The following DYM variants were observed in gnomAD, a reference collection of about 807,000 sequenced individuals.
The protein encoded by DYM is dyggve-Melchior-Clausen syndrome protein.
DYM carries 78 observed loss-of-function variants against 93.1 expected under a neutral mutation model. The ratio of observed to expected loss-of-function variants is 0.84; its 90% CI spans 0.70 to 1.01. The LOEUF (loss-of-function observed/expected upper bound fraction) is 1.01, where lower values mean the gene tolerates loss of function less well. DYM is among the 50% of genes least tolerant of loss of function. DYM has a pLI of 0.00. For synonymous variants in DYM, 321 were observed against 319.7 expected, an observed-to-expected ratio of 1.00 and a Z score of -0.04; for missense variants, 789 against 845.0, an observed-to-expected ratio of 0.93 and a Z score of 0.82.
At chr18:49,441,958 G>A (rs1049237730) in intron 1 of DYM, among the ~76,000 whole-genome samples, 2 of 152,088 alleles carry the variant, frequency 1.3e-5, no homozygotes, top group Non-Finnish European at 2.9e-5. Flanking sequence ...AGAGAATGAA[G>A]ATAAAGTCAA....
At chr18:49,224,786 A>G (rs1244414518) in intron 13 of DYM, among the ~76,000 whole-genome samples, 1 of 152,094 alleles carries the variant, frequency 6.6e-6, no homozygotes, top group Admixed American at 6.6e-5. Flanking sequence ...TACCCAGTAT[A>G]TGCTATTTTG....
chr18:49,301,834 C>A (rs577610150), intron 8 of DYM, among the ~76,000 whole-genome samples: 76 of 152,194 alleles, frequency 5.0e-4, no homozygotes, highest in Non-Finnish European at 9.7e-4. Context: ...CTTGGTCTAT[C>A]TGTCAGGAAG....
At chr18:49,235,727 A>T (rs1363816650) in intron 13 of DYM, among the ~76,000 whole-genome samples, 1 of 151,906 alleles carries the variant, frequency 6.6e-6, no homozygotes, top group African/African-American at 2.4e-5. Flanking sequence ...ATGATATGGT[A>T]GGAAATAAAA....
intron 14 of DYM, among the ~76,000 whole-genome samples, chr18:49,205,160 C>T (rs1480597252): frequency 6.6e-6 from 1 of 152,126 alleles, no homozygotes; most frequent in Non-Finnish European, 1.5e-5. Context: ...CAGGGTTTCA[C>T]CATGTTGGCC....
At chr18:49,143,467 A>G (rs1293868436) in intron 15 of DYM, among the ~76,000 whole-genome samples, 1 of 152,138 alleles carries the variant, frequency 6.6e-6, no homozygotes, top group Non-Finnish European at 1.5e-5. Flanking sequence ...TATGCCAAAT[A>G]TTTTGCTAAG....
intron 8 of DYM, among the ~76,000 whole-genome samples, chr18:49,297,378 C>A (rs9948966): frequency 6.6e-6 from 1 of 151,988 alleles, no homozygotes; most frequent in East Asian, 1.9e-4. Context: ...ACTAACCTAG[C>A]GTATTAGAAG....
intron 1 of DYM, among the ~76,000 whole-genome samples, chr18:49,441,182 T>A (rs141731361): frequency 6.4e-5 from 2 of 31,374 alleles, no homozygotes; most frequent in African/African-American, 2.4e-4. Flanking sequence ...TAATTATATA[T>A]TTATATATAA....
chr18:49,381,558 G>T (rs1290802410), intron 3 of DYM, among the ~76,000 whole-genome samples: 1 of 152,208 alleles, frequency 6.6e-6, no homozygotes, highest in Non-Finnish European at 1.5e-5. Flanking sequence ...ACTCCTAACT[G>T]AAGCTGACAG....
chr18:49,339,935 GGTT>G (rs2063971987), intron 6 of DYM, among the ~76,000 whole-genome samples: 1 of 151,500 alleles, frequency 6.6e-6, no homozygotes, highest in Non-Finnish European at 1.5e-5. Context: ...GTTTTTTTGG[GGTT>G]TTTTGTTTGT....
rs573287216 is a variant in DYM at position 49,071,867 on chromosome 18, T to C, written c.2025+25535A>G. ...GTATAGCGTCTTGTCATAGGGACTA[T>C]TGAAAATTAAATAAGGTTGTTTCTA... On this transcript the variant is annotated intron_variant, in intron 17 of 17. Transcript: ENST00000675505. Among the ~76,000 whole-genome samples the C allele has an allele frequency of 4.6e-5, 7 of 152,294 alleles. No homozygotes were observed. In the South Asian group the frequency reaches 1.5e-3, roughly 32 times the overall value.
Position 49,326,519 on chromosome 18 carries a change from A to C in DYM, c.763+5345T>G, listed in dbSNP as rs148317522. On this transcript the variant is annotated intron_variant, in intron 8 of 17. Transcript: ENST00000675505. ...TCTATAAGTTAATTTCTATTACACT[A>C]ATTTTAAAAACTTACTAGTGGTAAT... 7.3e-4 allele frequency among the ~76,000 whole-genome samples: 111 copies of C among 152,262 alleles called. 2 individuals carry two copies. The East Asian group carries it at 0.019, about 26-fold the overall frequency.
chr18:49,272,905 AAAGT>A (rs2094745190), intron 10 of DYM, among the ~76,000 whole-genome samples: 1 of 152,094 alleles, frequency 6.6e-6, no homozygotes, highest in Non-Finnish European at 1.5e-5. Context: ...CTTCTTCACT[AAAGT>A]AAGGAGGTTA....
intron 2 of DYM, among the ~76,000 whole-genome samples, chr18:49,398,204 G>A (rs2070354986): frequency 6.6e-6 from 1 of 152,112 alleles, no homozygotes; most frequent in East Asian, 1.9e-4. Flanking sequence ...TTTAAGGGTA[G>A]TAGTTTATGG....
chr18:49,322,648 T>C (rs1280062136), intron 8 of DYM, among the ~76,000 whole-genome samples: 1 of 152,192 alleles, frequency 6.6e-6, no homozygotes, highest in Admixed American at 6.5e-5. Context: ...ATATAAACAG[T>C]GTATATACCA....
chr18:49,335,475 A>T (rs1165630454), intron 6 of DYM, among the ~76,000 whole-genome samples: 1 of 152,214 alleles, frequency 6.6e-6, no homozygotes, highest in Non-Finnish European at 1.5e-5. Flanking sequence ...AAAATAAAAA[A>T]TTTAAAAAAT....
chr18:49,218,886 G>A (rs2093209906), intron 13 of DYM, among the ~76,000 whole-genome samples: 1 of 151,834 alleles, frequency 6.6e-6, no homozygotes, highest in Non-Finnish European at 1.5e-5. Context: ...GCTAGCAGAA[G>A]GCAAGAAATA....
chr18:49,121,655 T>A (rs1390416590), intron 15 of DYM, among the ~76,000 whole-genome samples: 1 of 152,010 alleles, frequency 6.6e-6, no homozygotes, highest in Non-Finnish European at 1.5e-5. Flanking sequence ...GAGAAAATCT[T>A]GAGGACAGCT....
At position 49,132,539 on chromosome 18, in the gene DYM, A is replaced by T. The variant is rs112795127; in HGVS notation, c.1729-13613T>A. Among the ~76,000 whole-genome samples the T allele has an allele frequency of 6.1e-3, 928 of 152,312 alleles. 27 individuals carry two copies. The South Asian group carries it at 0.076, about 12-fold the overall frequency. On this transcript the variant is annotated intron_variant, in intron 15 of 17. Transcript: ENST00000675505. ...AAACTCCTTTATATCTTCAAGGAAT[A>T]TATAATTACTATGCCATTTAAGCTT...
chr18:49,047,031 G>A (rs930040733), intron 17 of DYM, among the ~76,000 whole-genome samples: 24 of 152,212 alleles, frequency 1.6e-4, no homozygotes, highest in African/African-American at 4.8e-5. Context: ...TTTGTGGCAA[G>A]AGTTACATCT....
Sources: allele counts gnomAD v4.1 joint callset (sites outside exome capture counted in the v4.1 genomes callset), GRCh38; gene constraint gnomAD v4.1.1; transcripts MANE v1.5; gene names NCBI Gene and HGNC (gene_info 2026-07-23, HGNC 2026-07-21).